SGK1: variants seen among roughly 807,000 people sequenced by gnomAD.
SGK1 encodes serum/glucocorticoid regulated kinase 1.
A neutral mutation model predicts 64.2 loss-of-function variants in SGK1; 26 were observed. That is an observed-to-expected ratio of 0.40 (90% CI 0.30 to 0.56). The LOEUF is 0.56. Ranked by LOEUF, SGK1 falls within the 20% of genes least tolerant of loss-of-function variation. The probability of loss-of-function intolerance (pLI) is 0.38; values close to 1 mark genes in which losing one functional copy is unlikely to be tolerated. For synonymous variants in SGK1, 265 were observed against 239.7 expected (o/e 1.11, Z -0.98); for missense variants, 519 against 645.6 (o/e 0.80, Z 2.12).
At chr6:134,208,114 G>T (rs1333724879) in intron 2 of SGK1, among the ~76,000 whole-genome samples, 2 of 152,100 alleles carry the variant, frequency 1.3e-5, no homozygotes, top group Non-Finnish European at 2.9e-5. Flanking sequence ...GTTTCACCAT[G>T]TTGCCCAGGC....
At chr6:134,185,267 A>G (rs1359320071) in intron 3 of SGK1, among the ~76,000 whole-genome samples, 2 of 152,174 alleles carry the variant, frequency 1.3e-5, no homozygotes, top group African/African-American at 4.8e-5. Flanking sequence ...GCAGCCATGA[A>G]GTTCTCCATA....
intron 1 of SGK1, among the ~76,000 whole-genome samples, chr6:134,280,706 C>G (rs1185956309): frequency 6.6e-6 from 1 of 152,166 alleles, no homozygotes; most frequent in Non-Finnish European, 1.5e-5. Flanking sequence ...ATGCATGACA[C>G]TGTTCAACAC....
intron 3 of SGK1, among the ~76,000 whole-genome samples, chr6:134,203,880 G>T (rs1056570956): frequency 1.3e-5 from 2 of 151,936 alleles, no homozygotes; most frequent in Non-Finnish European, 2.9e-5. Context: ...CCTGAACAAC[G>T]TGGCAAAACC....
intron 1 of SGK1, among the ~76,000 whole-genome samples, chr6:134,267,845 A>G (rs1259354543): frequency 6.6e-6 from 1 of 152,170 alleles, no homozygotes; most frequent in African/African-American, 2.4e-5. Context: ...ATCCAGCAAC[A>G]CATTTCTAAC....
intron 3 of SGK1, 90 bp downstream of exon 3, chr6:134,207,266 T>C: frequency 1.2e-6 from 1 of 805,042 alleles, no homozygotes; most frequent in Non-Finnish European, 2.0e-6. Context: ...CAAAAAAATA[T>C]TTCCCCCCAA....
At position 134,305,550 on chromosome 6, in the gene SGK1, G is replaced by A. The variant is rs1418615514; in HGVS notation, c.69+11842C>T. Among the ~76,000 whole-genome samples, 3 of 146,168 alleles carry A rather than the reference G, an allele frequency of 2.1e-5. No homozygotes were observed. In the Admixed American group the frequency reaches 2.1e-4, roughly 10 times the overall value. The stretch of plus-strand genomic sequence containing the variant: ...ATCGCACCACTGCACCCAAGTCTGG[G>A]TGACAGAGCGAGACCCTGTCTCAAA... On this transcript the variant is annotated intron_variant, in intron 1 of 13. Coordinates refer to ENST00000367858, the MANE Select transcript of SGK1 (RefSeq NM_001143676.3).
intron 2 of SGK1, among the ~76,000 whole-genome samples, chr6:134,258,620 A>G (rs544259296): frequency 2.0e-5 from 3 of 152,150 alleles, no homozygotes; most frequent in East Asian, 1.9e-4. Context: ...CAGGAGAATC[A>G]CTTGAACCTG....
intron 7 of SGK1, 51 bp from the exon 8 acceptor site, chr6:134,173,205 C>T (rs1347640557): frequency 6.2e-7 from 1 of 1,609,980 alleles, no homozygotes; most frequent in Non-Finnish European, 8.5e-7. Flanking sequence ...TTGGCACCAA[C>T]ATTCCAGAAT....
intron 2 of SGK1, among the ~76,000 whole-genome samples, chr6:134,208,754 A>C (rs957515900): frequency 1.5e-5 from 1 of 68,376 alleles, no homozygotes; most frequent in African/African-American, 3.2e-5. Context: ...GCGTATATAT[A>C]TATATACACA....
Position 134,206,361 on chromosome 6 carries a change from ATATATATATATATATATATATATTTTTTT to A in SGK1, c.361+966_361+994del, listed in dbSNP as rs1332645267. The stretch of plus-strand genomic sequence containing the variant: ...ATGATATATATATATATATATATAT[ATATATATATATATATATATATATTTTTTT>A]TTTTTTTTTTTTTTTTTAAATGACA... On this transcript the variant is annotated intron_variant, in intron 3 of 13. Transcript: ENST00000367858. Among the ~76,000 whole-genome samples, 268 of 80,590 alleles carry A rather than the reference ATATATATATATATATATATATATTTTTTT, an allele frequency of 3.3e-3. 12 individuals are homozygous for A. Among genetic ancestry groups the A allele is most frequent in the African/African-American group, 0.016 (237 of 14,496 alleles). 52.9% of individuals were successfully genotyped at this position (80,590 alleles called of 152,430 possible).
intron 2 of SGK1, chr6:134,215,137 T>TCTTTTTC (rs61352735): frequency 2.9e-6 from 1 of 349,964 alleles, no homozygotes; most frequent in East Asian, 1.3e-4. Flanking sequence ...TTTCTTTCTT[T>TCTTTTTC]TTTTTTTTTT....
At chr6:134,206,956 T>C (rs1004448895) in intron 3 of SGK1, among the ~76,000 whole-genome samples, 2 of 151,232 alleles carry the variant, frequency 1.3e-5, no homozygotes, top group African/African-American at 4.9e-5. Flanking sequence ...CCGGGCGCGG[T>C]GGCTCACGCC....
chr6:134,257,698 T>C (rs1776705697), intron 2 of SGK1, among the ~76,000 whole-genome samples: 1 of 152,210 alleles, frequency 6.6e-6, no homozygotes, highest in Non-Finnish European at 1.5e-5. Flanking sequence ...GTTTTGTGGC[T>C]TGCCTGAATT....
At chr6:134,195,699 C>A (rs1775584783) in intron 3 of SGK1, among the ~76,000 whole-genome samples, 1 of 152,142 alleles carries the variant, frequency 6.6e-6, no homozygotes, top group Non-Finnish European at 1.5e-5. Flanking sequence ...CTTAAGAATG[C>A]AATATTTTAT....
At chr6:134,311,660 A>G (rs528685491) in intron 1 of SGK1, among the ~76,000 whole-genome samples, 1 of 152,172 alleles carries the variant, frequency 6.6e-6, no homozygotes, top group African/African-American at 2.4e-5. Context: ...AAAAACAACA[A>G]AACAAAAAAC....
Position 134,288,805 on chromosome 6 carries a change from C to T in SGK1, c.70-26657G>A, listed in dbSNP as rs1470870273. ...CTTAGTAATTTTCCCTGGTCTTGATCTCATCATTAAAGAGGATGAAACCAA... is the reference window on the plus strand; with the variant it reads ...CTTAGTAATTTTCCCTGGTCTTGATTTCATCATTAAAGAGGATGAAACCAA... On this transcript the variant is annotated intron_variant, in intron 1 of 13. Coordinates refer to ENST00000367858, the MANE Select transcript of SGK1 (RefSeq NM_001143676.3). 2.6e-5 allele frequency among the ~76,000 whole-genome samples: 4 copies of T among 152,104 alleles called. No homozygotes were observed. In the East Asian group the frequency reaches 7.7e-4, roughly 29 times the overall value.
At chr6:134,253,746 T>TA (rs1776640302) in intron 2 of SGK1, among the ~76,000 whole-genome samples, 1 of 152,182 alleles carries the variant, frequency 6.6e-6, no homozygotes, top group Non-Finnish European at 1.5e-5. Flanking sequence ...GAAGAGGCAG[T>TA]AACCTTATAT....
At chr6:134,226,743 G>T (rs1275532594) in intron 2 of SGK1, among the ~76,000 whole-genome samples, 1 of 151,974 alleles carries the variant, frequency 6.6e-6, no homozygotes, top group Non-Finnish European at 1.5e-5. Context: ...AAGAGATGAG[G>T]TCTTGTTATG....
At chr6:134,219,924 G>T (rs9493862) in intron 2 of SGK1, among the ~76,000 whole-genome samples, 142,532 of 142,552 alleles carry the variant, frequency 1, 71,256 homozygotes, top group Middle Eastern at 1. Context: ...CCGGGCGTAG[G>T]GGCGGGCGCC....
Sources: gnomAD v4.1 joint callset for allele counts (sites outside exome capture counted in the v4.1 genomes callset) on GRCh38, gnomAD v4.1.1 for gene constraint, MANE v1.5 for transcripts, NCBI Gene and HGNC (gene_info 2026-07-23, HGNC 2026-07-21) for gene names.